The following SPSB1 variants were observed in gnomAD, a reference collection of about 807,000 sequenced individuals.
The protein encoded by SPSB1 is SPRY domain-containing SOCS box protein 1.
A neutral mutation model predicts 21.2 loss-of-function variants in SPSB1; 8 were observed. The observed-to-expected ratio is 0.38, with a 90% CI of 0.22 to 0.68. SPSB1 has a LOEUF of 0.68. SPSB1 is among the 30% of genes least tolerant of loss of function. The pLI is 0.53. For synonymous variants in SPSB1, 169 were observed against 161.7 expected, an observed-to-expected ratio of 1.05 and a Z score of -0.34; for missense variants, 242 against 377.8, an observed-to-expected ratio of 0.64 and a Z score of 2.98.
rs1008679 is a variant in SPSB1, at chr1:9,321,027, G to C, written c.-150+27956G>C. 6.6e-6 allele frequency among the ~76,000 whole-genome samples: 1 copy of C among 152,004 alleles called. No homozygotes were observed. The highest frequency in any genetic ancestry group is 6.5e-5 in the Admixed American group (1 of 15,276). On this transcript the variant is annotated intron_variant, in intron 1 of 2. Transcript: ENST00000328089. This position sits in a 1 kb window ranked among gnomAD's most constrained non-coding sequence, Gnocchi z 4.8. ...GCCAAGGCAGTGGGAGTTGCTGTGC[G>C]GGGGATTCTGGCTGGAAAAGGCAGC...
chr1:9,360,856 C>T (rs1434875299), intron 2 of SPSB1, among the ~76,000 whole-genome samples: 1 of 152,258 alleles, frequency 6.6e-6, no homozygotes, highest in Non-Finnish European at 1.5e-5. Context: ...CAACCCGCTT[C>T]AGATGTGGAG....
At chr1:9,335,761 T>C (rs985432868) in intron 1 of SPSB1, among the ~76,000 whole-genome samples, 3 of 152,284 alleles carry the variant, frequency 2.0e-5, no homozygotes, top group South Asian at 4.2e-4. Flanking sequence ...TGAGCCATGA[T>C]CGTGCCACTG....
chr1:9,337,557 A>G (rs1296828166), intron 1 of SPSB1, among the ~76,000 whole-genome samples: 1 of 152,162 alleles, frequency 6.6e-6, no homozygotes, highest in Non-Finnish European at 1.5e-5. Context: ...CTCGCACCCC[A>G]GCCCTCTGCG....
intron 2 of SPSB1, among the ~76,000 whole-genome samples, chr1:9,362,179 A>ACCTT (rs1640492626): frequency 7.2e-6 from 1 of 138,240 alleles, no homozygotes; most frequent in Non-Finnish European, 1.6e-5. Flanking sequence ...AGGGCCACCC[A>ACCTT]CCCTCCCTCC....
rs1639162666 is a variant in SPSB1 at position 9,293,871 on chromosome 1, C to T, written c.-150+800C>T. On this transcript the variant is annotated intron_variant, in intron 1 of 2. Transcript: ENST00000328089. The surrounding 1 kb of genome is among the most constrained non-coding windows in gnomAD (Gnocchi z 5.1). ...GAGTGCATCTGCGTGTGTGTTTGTGCATGTCCTTGTGAATATGTGCCTGCG... is the reference window on the plus strand; with the variant it reads ...GAGTGCATCTGCGTGTGTGTTTGTGTATGTCCTTGTGAATATGTGCCTGCG... Among the ~76,000 whole-genome samples the T allele has an allele frequency of 6.6e-6, 1 of 151,834 alleles. No individual in the cohort carries two copies. The highest frequency in any genetic ancestry group is 1.5e-5 in the Non-Finnish European group (1 of 67,934).
At chr1:9,343,394 A>G (rs1640119943) in intron 1 of SPSB1, among the ~76,000 whole-genome samples, 1 of 152,242 alleles carries the variant, frequency 6.6e-6, no homozygotes, top group Non-Finnish European at 1.5e-5. Context: ...TCACATTAAT[A>G]TAAAGTTTTG....
Position 9,292,995 on chromosome 1 carries a change from C to T in SPSB1, c.-226C>T. 3 of 983,224 alleles carry T rather than the reference C, an allele frequency of 3.1e-6. No individual in the cohort carries two copies. Among genetic ancestry groups the T allele is most frequent in the Non-Finnish European group, 3.6e-6 (3 of 828,812 alleles). The allele number at this position is 983,224 out of a possible 1,614,324, so 60.9% of individuals were successfully genotyped here. On this transcript the variant is annotated 5_prime_UTR_variant, in exon 1 of 3. Coordinates refer to ENST00000328089, the MANE Select transcript of SPSB1 (RefSeq NM_025106.4). Reference sequence around the variant, plus strand: ...CCGCGGGGAGGAGGCGACTTCGCTCCCTGCGGCGGGCGCGGCCCGGGCGCC... The same window carrying T: ...CCGCGGGGAGGAGGCGACTTCGCTCTCTGCGGCGGGCGCGGCCCGGGCGCC...
At chr1:9,314,146 A>G (rs2100474172) in intron 1 of SPSB1, among the ~76,000 whole-genome samples, 1 of 150,766 alleles carries the variant, frequency 6.6e-6, no homozygotes, top group South Asian at 2.1e-4. Context: ...ACTGCACTCC[A>G]GCCTGGGCAA....
At chr1:9,303,039 T>A (rs9727769) in intron 1 of SPSB1, among the ~76,000 whole-genome samples, 5,445 of 152,178 alleles carry the variant, frequency 0.036, 279 homozygotes, top group African/African-American at 0.12. Flanking sequence ...CCACCTGGCT[T>A]CTTTGGGCTC....
intron 2 of SPSB1, among the ~76,000 whole-genome samples, chr1:9,361,116 G>A (rs886534140): frequency 6.8e-5 from 10 of 147,954 alleles, no homozygotes; most frequent in Non-Finnish European, 1.0e-4. Context: ...GAGCATGACA[G>A]ATGGAGGCTC....
At chr1:9,347,943 C>CTTT (rs57731582) in intron 1 of SPSB1, among the ~76,000 whole-genome samples, 15,850 of 132,130 alleles carry the variant, frequency 0.12, 1,210 homozygotes, top group South Asian at 0.28. Flanking sequence ...TTCCCTGCAA[C>CTTT]TTTTTTTTTT....
intron 1 of SPSB1, among the ~76,000 whole-genome samples, chr1:9,332,886 T>G (rs1639945402): frequency 6.6e-6 from 1 of 151,976 alleles, no homozygotes; most frequent in Admixed American, 6.5e-5. Context: ...GCAGCCTGAG[T>G]GCGTAGAGGG....
At position 9,293,122 on chromosome 1, in the gene SPSB1, G is replaced by C. The variant is rs1411172742; in HGVS notation, c.-150+51G>C. The C allele has an allele frequency of 1.0e-6, 1 of 978,138 alleles. No homozygotes were observed. Among genetic ancestry groups the C allele is most frequent in the African/African-American group, 1.8e-5 (1 of 56,624 alleles). The allele number at this position is 978,138 out of a possible 1,614,324, so 60.6% of individuals were successfully genotyped here. A position where few individuals can be genotyped will look rare whatever the true frequency, so the allele number is the denominator to read the frequency against. On this transcript the variant is annotated intron_variant, in intron 1 of 2. Coordinates refer to ENST00000328089, the MANE Select transcript of SPSB1 (RefSeq NM_025106.4). The surrounding 1 kb of genome is among the most constrained non-coding windows in gnomAD (Gnocchi z 5.1). ...CCCGATGGGTGGGCGACCGGCCCGG[G>C]AGGGGGAGGCGCGGGGGGCCGGGCG...
intron 1 of SPSB1, among the ~76,000 whole-genome samples, chr1:9,309,261 G>GGA (rs139194880): frequency 4.3e-4 from 64 of 147,230 alleles, no homozygotes; most frequent in African/African-American, 1.3e-3. Context: ...GCTCCCCTGC[G>GGA]GAGAGAGAGA....
chr1:9,343,813 T>C (rs900544382), intron 1 of SPSB1, among the ~76,000 whole-genome samples: 1 of 151,990 alleles, frequency 6.6e-6, no homozygotes, highest in African/African-American at 2.4e-5. Context: ...TGAGACAGAG[T>C]CTCGCTCTGT....
At chr1:9,359,851 G>GGA (rs1553128817) in intron 2 of SPSB1, among the ~76,000 whole-genome samples, 5 of 151,290 alleles carry the variant, frequency 3.3e-5, no homozygotes, top group Non-Finnish European at 5.9e-5. Context: ...GGAAGCCGGG[G>GGA]GGGTGGGTGG....
At chr1:9,310,917 T>C (rs1483788458) in intron 1 of SPSB1, among the ~76,000 whole-genome samples, 1 of 152,182 alleles carries the variant, frequency 6.6e-6, no homozygotes, top group Non-Finnish European at 1.5e-5. Context: ...TTCCGTAATA[T>C]ATAAATTATA....
chr1:9,311,004 C>G (rs1639510721), intron 1 of SPSB1, among the ~76,000 whole-genome samples: 1 of 152,068 alleles, frequency 6.6e-6, no homozygotes, highest in Non-Finnish European at 1.5e-5. Context: ...AAATATTTTC[C>G]CCCCTTCTTC....
intron 1 of SPSB1, among the ~76,000 whole-genome samples, chr1:9,304,814 C>A (rs1399005805): frequency 6.6e-6 from 1 of 152,190 alleles, no homozygotes; most frequent in South Asian, 2.1e-4. Flanking sequence ...CTGGGACTAT[C>A]GGTGCACACC....
Sources: gnomAD v4.1 joint callset for allele counts (sites outside exome capture counted in the v4.1 genomes callset) on GRCh38, gnomAD v4.1.1 for gene constraint, Gnocchi (gnomAD v3.1) non-coding constraint, MANE v1.5 for transcripts, NCBI Gene and HGNC (gene_info 2026-07-23, HGNC 2026-07-21) for gene names.